PCDH11Y: variants seen among roughly 807,000 people sequenced by gnomAD.
The protein encoded by PCDH11Y is protocadherin-11 Y-linked.
For missense variants in PCDH11Y, 12 were observed against 224.8 expected, an observed-to-expected ratio of 0.05 and a Z score of 6.05; for synonymous variants, 9 against 83.6, an observed-to-expected ratio of 0.11 and a Z score of 4.87.
intron 2 of PCDH11Y, among the ~76,000 whole-genome samples, chrY:5,388,620 G>C: frequency 3.0e-5 from 1 of 33,049 alleles, no homozygotes. Context: ...CTGGAGCAAA[G>C]GTTCACGATG....
At chrY:5,046,675 G>A (rs2124626077) in intron 3 of PCDH11Y, among the ~76,000 whole-genome samples, 5 of 34,247 alleles carry the variant, frequency 1.5e-4, no homozygotes, top group Non-Finnish European at 2.9e-4. Flanking sequence ...GTTTACCTAA[G>A]GAAGCCTGGG....
At chrY:5,193,729 T>G (rs2052915203) in intron 2 of PCDH11Y, among the ~76,000 whole-genome samples, 1 of 33,398 alleles carries the variant, frequency 3.0e-5, no homozygotes, top group Admixed American at 2.7e-4. Context: ...CGCAAAATAT[T>G]TATGTATTCA....
At chrY:5,123,733 G>C in intron 2 of PCDH11Y, among the ~76,000 whole-genome samples, 2 of 32,423 alleles carry the variant, frequency 6.2e-5, no homozygotes, top group African/African-American at 1.2e-4. Context: ...TTTAATATTA[G>C]ACATTTTACT....
At position 5,701,428 on chromosome Y, in the gene PCDH11Y, C is replaced by A. The variant is rs2053577776; in HGVS notation, c.3353-35844C>A. Reference sequence around the variant, plus strand: ...GACTTGGTTCTCTGTGTCCCGGCTGCTCTAGCCATCCCTAAAAGGGACCAA... The same window carrying A: ...GACTTGGTTCTCTGTGTCCCGGCTGATCTAGCCATCCCTAAAAGGGACCAA... On this transcript the variant is annotated intron_variant, in intron 4 of 4. Transcript: ENST00000400457. 7.3e-4 allele frequency among the ~76,000 whole-genome samples: 24 copies of A among 33,067 alleles called. No individual in the cohort carries two copies. The South Asian group carries it at 0.017, about 23-fold the overall frequency. The allele number at this position is 33,067 out of a possible 37,273, so 88.7% of individuals were successfully genotyped here. A position where few individuals can be genotyped will look rare whatever the true frequency, so the allele number is the denominator to read the frequency against.
intron 2 of PCDH11Y, among the ~76,000 whole-genome samples, chrY:5,125,323 C>T: frequency 3.0e-5 from 1 of 33,159 alleles, no homozygotes; most frequent in Non-Finnish European, 7.4e-5. Context: ...ACTGAGATAG[C>T]TGCTTAGCTG....
intron 2 of PCDH11Y, among the ~76,000 whole-genome samples, chrY:5,380,667 A>G: frequency 3.4e-5 from 1 of 29,293 alleles, no homozygotes; most frequent in African/African-American, 1.4e-4. Context: ...GCTCACTGCA[A>G]GCTCCGCCGC....
At chrY:5,152,946 G>A in intron 2 of PCDH11Y, among the ~76,000 whole-genome samples, 1 of 31,844 alleles carries the variant, frequency 3.1e-5, no homozygotes, top group Non-Finnish European at 7.7e-5. Context: ...TAAGGAAATC[G>A]AAGCCCAGAA....
chrY:5,496,606 G>C, intron 2 of PCDH11Y, among the ~76,000 whole-genome samples: 1 of 31,346 alleles, frequency 3.2e-5, no homozygotes, highest in African/African-American at 1.2e-4. Context: ...CCTAGAGGAT[G>C]ATTAGTTTAT....
At chrY:5,672,389 T>C in intron 4 of PCDH11Y, among the ~76,000 whole-genome samples, 2 of 31,814 alleles carry the variant, frequency 6.3e-5, no homozygotes, top group Non-Finnish European at 1.5e-4. Context: ...AGCGTTGAAG[T>C]CGTCGGGTCT....
At chrY:5,469,813 TA>T (rs2053311732) in intron 2 of PCDH11Y, among the ~76,000 whole-genome samples, 1 of 34,516 alleles carries the variant, frequency 2.9e-5, no homozygotes, top group African/African-American at 1.1e-4. Flanking sequence ...GACTCTTTTT[TA>T]CACATTTATC....
At chrY:5,654,681 A>G in intron 4 of PCDH11Y, among the ~76,000 whole-genome samples, 1 of 32,507 alleles carries the variant, frequency 3.1e-5, no homozygotes, top group African/African-American at 1.2e-4. Flanking sequence ...CTAAATAATG[A>G]GAATACATAG....
chrY:5,385,810 G>C, intron 2 of PCDH11Y, among the ~76,000 whole-genome samples: 1 of 33,482 alleles, frequency 3.0e-5, no homozygotes, highest in Non-Finnish European at 7.4e-5. Context: ...TATATCTTCT[G>C]TTGAGACATG....
At chrY:5,034,964 T>C (rs2052596808) in intron 3 of PCDH11Y, among the ~76,000 whole-genome samples, 22 of 30,053 alleles carry the variant, frequency 7.3e-4, no homozygotes, top group African/African-American at 2.5e-3. Context: ...TCATGGATTA[T>C]AAATTAAAGA....
intron 1 of PCDH11Y, among the ~76,000 whole-genome samples, chrY:5,088,441 G>A (rs2124633439): frequency 2.4e-4 from 8 of 33,204 alleles, no homozygotes; most frequent in African/African-American, 4.7e-4. Context: ...TTAGTTATTC[G>A]AATGACTTAC....
At chrY:5,552,571 T>C in intron 3 of PCDH11Y, among the ~76,000 whole-genome samples, 1 of 33,221 alleles carries the variant, frequency 3.0e-5, no homozygotes, top group African/African-American at 1.2e-4. Context: ...ATGTAATGAA[T>C]GACCAAACCA....
chrY:5,155,121 G>C, intron 2 of PCDH11Y, among the ~76,000 whole-genome samples: 1 of 31,398 alleles, frequency 3.2e-5, no homozygotes, highest in Non-Finnish European at 7.8e-5. Flanking sequence ...AAAACTTCTA[G>C]ATAAAAAGAA....
At chrY:5,320,384 T>C in intron 2 of PCDH11Y, among the ~76,000 whole-genome samples, 2 of 33,856 alleles carry the variant, frequency 5.9e-5, no homozygotes, top group African/African-American at 1.1e-4. Context: ...ATCTTCACTT[T>C]GGGAAATCTT....
At chrY:5,368,665 G>A (rs2053183813) in intron 2 of PCDH11Y, among the ~76,000 whole-genome samples, 1 of 33,554 alleles carries the variant, frequency 3.0e-5, no homozygotes, top group East Asian at 8.0e-4. Context: ...GGAGCTGTGA[G>A]AAGAGGGCCA....
intron 4 of PCDH11Y, among the ~76,000 whole-genome samples, chrY:5,637,047 T>C: frequency 3.1e-5 from 1 of 32,670 alleles, no homozygotes; most frequent in Non-Finnish European, 7.5e-5. Context: ...TTGTAAAAAA[T>C]GTTACTGTTT....
Sources: allele counts gnomAD v4.1 joint callset (sites outside exome capture counted in the v4.1 genomes callset), GRCh38; gene constraint gnomAD v4.1.1; transcripts MANE v1.5; gene names NCBI Gene and HGNC (gene_info 2026-07-23, HGNC 2026-07-21).